SYNE1: variants seen among roughly 807,000 people sequenced by gnomAD.
SYNE1 encodes nesprin-1.
Under a neutral mutation model 1,111.0 loss-of-function variants are expected in SYNE1, and 616 were observed. That is an observed-to-expected ratio of 0.55 (90% CI 0.52 to 0.59). SYNE1 has a LOEUF of 0.59. Among genes scored for constraint, SYNE1 ranks in the 20% least tolerant of loss-of-function variants. The probability of loss-of-function intolerance (pLI) is 0.00; values close to 1 mark genes in which losing one functional copy is unlikely to be tolerated. For missense variants in SYNE1, 10,006 were observed against 10,417.0 expected (o/e 0.96, Z 1.72); for synonymous variants, 3,855 against 3,825.8 (o/e 1.01, Z -0.28).
intron 135 of SYNE1, among the ~76,000 whole-genome samples, 179 bp downstream of exon 135, chr6:152,151,374 A>T (rs2060393290): frequency 6.6e-6 from 1 of 152,114 alleles, no homozygotes; most frequent in Non-Finnish European, 1.5e-5. Context: ...AATAGTGGTT[A>T]TTTCTGGGTA....
At chr6:152,448,797 G>A (rs2098618564) in intron 28 of SYNE1, among the ~76,000 whole-genome samples, 1 of 152,048 alleles carries the variant, frequency 6.6e-6, no homozygotes, top group African/African-American at 2.4e-5. Context: ...AGCTATGAAG[G>A]TGCCACTGCA....
intron 11 of SYNE1, among the ~76,000 whole-genome samples, chr6:152,497,289 G>A (rs1454754148): frequency 6.6e-6 from 1 of 152,170 alleles, no homozygotes; most frequent in African/African-American, 2.4e-5. Context: ...AGAAAGAAAT[G>A]GAACTGGAGC....
rs549216305 is a variant in SYNE1 at position 152,630,375 on chromosome 6, G to A, written c.-223-1821C>T. 2.0e-5 allele frequency among the ~76,000 whole-genome samples: 3 copies of A among 152,282 alleles called. No homozygotes were observed. In the South Asian group the frequency reaches 6.2e-4, roughly 32 times the overall value. ...GCTAGAGAGGTACTTCTCAGTGGGT[G>A]ACTCTCCAAGGGATTCTTCATGGAG... On this transcript the variant is annotated intron_variant, in intron 2 of 145. Transcript: ENST00000367255.
At position 152,287,793 on chromosome 6, in the gene SYNE1, C is replaced by T. The variant is rs868721751; in HGVS notation, c.18013-3621G>A. ...AATTCCTAGGCTCAAGTGATCTGCC[C>T]GCTTCAGCCTCCCAAAGTGCTGGGA... On this transcript the variant is annotated intron_variant, in intron 95 of 145. Coordinates refer to ENST00000367255, the MANE Select transcript of SYNE1 (RefSeq NM_182961.4). Among the ~76,000 whole-genome samples, 10 of 152,214 alleles carry T rather than the reference C, an allele frequency of 6.6e-5. No individual in the cohort carries two copies. In the East Asian group the frequency reaches 1.2e-3, roughly 18 times the overall value.
rs184985897 is a variant in SYNE1 at position 152,248,126 on chromosome 6, C to T, written c.19572+1035G>A. 6.0e-3 allele frequency among the ~76,000 whole-genome samples: 908 copies of T among 152,248 alleles called. 7 individuals carry two copies. The highest frequency in any genetic ancestry group is 0.021 in the African/African-American group (860 of 41,552). On this transcript the variant is annotated intron_variant, in intron 105 of 145. Transcript: ENST00000367255. ...TACATGAAGCCTCATGATGGATCTC[C>T]TGTTTCCTGACCCTGGTGCTGTCAT...
At chr6:152,502,570 C>T (rs2099035394) in intron 10 of SYNE1, 63 bp downstream of exon 10, 4 of 1,285,088 alleles carry the variant, frequency 3.1e-6, no homozygotes, top group African/African-American at 1.5e-5. Flanking sequence ...GAACAGTATA[C>T]TCAAAAAGCT....
chr6:152,334,828 G>A (rs374399580), intron 76 of SYNE1, among the ~76,000 whole-genome samples: 203 of 152,230 alleles, frequency 1.3e-3, no homozygotes, highest in African/African-American at 4.6e-3. Flanking sequence ...CAGCCCAGCA[G>A]GTCTCAGCCT....
intron 93 of SYNE1, among the ~76,000 whole-genome samples, chr6:152,299,868 T>G (rs1158596440): frequency 1.3e-5 from 2 of 152,208 alleles, no homozygotes; most frequent in Middle Eastern, 3.2e-3. Context: ...TGTAATTTCA[T>G]AGAATAGTTT....
Position 152,249,229 on chromosome 6 carries a change from C to T in SYNE1, c.19504G>A (p.Asp6502Asn). Reference protein sequence around the residue: ...DLKVLFTSLADNKYIILQKLA... With the variant: ...DLKVLFTSLANNKYIILQKLA... The stretch of plus-strand genomic sequence containing the variant: ...TTTTGCAGAATGATGTATTTGTTGT[C>T]AGCCAGTGATGTAAACAGCACTTTC... The change falls in exon 105 of 146, where the codon GAC becomes AAC. Residue 6502 changes from aspartate to asparagine, a missense_variant. Physicochemically the swap from Asp to Asn is conservative, Grantham distance 23 (BLOSUM62 1). This residue lies in a region of SYNE1 where 2,182 missense variants were observed against 2,287.8 expected (regional missense o/e 0.95). Transcript: ENST00000367255. 6.2e-7 allele frequency: 1 copy of T among 1,613,964 alleles called. No individual in the cohort carries two copies. The highest frequency in any genetic ancestry group is 8.5e-7 in the Non-Finnish European group (1 of 1,179,888).
At chr6:152,471,448 A>G in intron 16 of SYNE1, 149 bp downstream of exon 16, 1 of 744,696 alleles carries the variant, frequency 1.3e-6, no homozygotes, top group Non-Finnish European at 2.3e-6. Flanking sequence ...GATAATTCTG[A>G]AAAGCTCATA....
chr6:152,415,810 AAAAAAG>A (rs1271469636), intron 41 of SYNE1, among the ~76,000 whole-genome samples: 8 of 150,536 alleles, frequency 5.3e-5, no homozygotes, highest in African/African-American at 1.9e-4. Flanking sequence ...AAAAAAAAAA[AAAAAAG>A]AAGAGGAAGA....
intron 16 of SYNE1, among the ~76,000 whole-genome samples, chr6:152,469,628 G>A (rs2098793714): frequency 6.6e-6 from 1 of 152,134 alleles, no homozygotes; most frequent in Admixed American, 6.5e-5. Flanking sequence ...AGATCACTAA[G>A]ACGTAAGATA....
At chr6:152,289,926 T>G (rs1308420136) in intron 95 of SYNE1, among the ~76,000 whole-genome samples, 1 of 19,272 alleles carries the variant, frequency 5.2e-5, no homozygotes, top group Non-Finnish European at 1.3e-4. Flanking sequence ...GCGCCCAGCC[T>G]TTTTTTTTTT....
intron 130 of SYNE1, among the ~76,000 whole-genome samples, chr6:152,169,760 A>G (rs1427061633): frequency 1.3e-5 from 2 of 151,508 alleles, no homozygotes; most frequent in Admixed American, 1.3e-4. Flanking sequence ...TTACTGCACC[A>G]GTGCACTACA....
At chr6:152,605,058 G>A (rs1314638251) in intron 3 of SYNE1, among the ~76,000 whole-genome samples, 4 of 66,068 alleles carry the variant, frequency 6.1e-5, no homozygotes, top group African/African-American at 1.8e-4. Flanking sequence ...GGGAGGGAGG[G>A]AGGGAGGGAG....
intron 131 of SYNE1, among the ~76,000 whole-genome samples, chr6:152,160,440 G>A (rs865808842): frequency 6.6e-5 from 10 of 152,142 alleles, no homozygotes; most frequent in South Asian, 2.1e-4. Flanking sequence ...GTGCTGGCTT[G>A]GCTGCAGTAC....
intron 133 of SYNE1, among the ~76,000 whole-genome samples, chr6:152,152,679 G>A (rs907630308): frequency 2.0e-5 from 3 of 152,156 alleles, no homozygotes; most frequent in Admixed American, 6.5e-5. Flanking sequence ...ACTACCTTTT[G>A]CAAAAGGTCT....
intron 3 of SYNE1, among the ~76,000 whole-genome samples, chr6:152,605,752 T>C (rs1007744430): frequency 1.3e-5 from 2 of 152,350 alleles, no homozygotes; most frequent in East Asian, 3.9e-4. Flanking sequence ...ATTTTACTTT[T>C]CTAAATGCAC....
rs372786281 is a variant in SYNE1, at chr6:152,295,332, T to C, written c.17683-1205A>G. Among the ~76,000 whole-genome samples the C allele has an allele frequency of 2.1e-3, 321 of 152,260 alleles. 2 individuals carry two copies. The highest frequency in any genetic ancestry group is 7.1e-3 in the African/African-American group (297 of 41,540). On this transcript the variant is annotated intron_variant, in intron 93 of 145. Transcript: ENST00000367255. ...ATGATATTGGAACATGGAGACTGCT[T>C]CCTCTTTATTCCTAACCCTGTCACT...
Sources: allele counts gnomAD v4.1 joint callset (sites outside exome capture counted in the v4.1 genomes callset), GRCh38; gene constraint gnomAD v4.1.1; regional missense constraint gnomAD v4.1.1; transcripts MANE v1.5; gene names NCBI Gene and HGNC (gene_info 2026-07-23, HGNC 2026-07-21).